The following ZNF778 variants were observed in gnomAD, a reference collection of about 807,000 sequenced individuals.
The protein encoded by ZNF778 is zinc finger protein 778.
ZNF778 carries 37 observed loss-of-function variants against 23.9 expected under a neutral mutation model. The observed-to-expected ratio is 1.54, with a 90% confidence interval of 1.19 to 2.03. The LOEUF is 2.03. ZNF778 is among the 30% of genes most tolerant of loss of function. ZNF778 has a pLI of 0.00. For synonymous variants in ZNF778, 483 were observed against 343.9 expected, an observed-to-expected ratio of 1.40 and a Z score of -4.48; for missense variants, 1,297 against 934.4, an observed-to-expected ratio of 1.39 and a Z score of -5.06.
At chr16:89,219,973 A>T (rs1345768681) in intron 1 of ZNF778, among the ~76,000 whole-genome samples, 1 of 152,182 alleles carries the variant, frequency 6.6e-6, no homozygotes, top group East Asian at 1.9e-4. Flanking sequence ...TGTTGTGTAT[A>T]TTTCATATGA....
rs1338630819 is a variant in ZNF778, at chr16:89,230,327, G to A, written c.*1765G>A. On this transcript the variant is annotated 3_prime_UTR_variant, in exon 7 of 7. Transcript: ENST00000433976. ...GGAGGAGGGAATTCCTGTACCTTAG[G>A]CAGTGCCGGACGGGTGAGAGCCCTG... 1 of 153,732 alleles carries A rather than the reference G, an allele frequency of 6.5e-6. No homozygotes were observed. The highest frequency in any genetic ancestry group is 2.4e-5 in the African/African-American group (1 of 41,446). 9.5% of individuals were successfully genotyped at this position (153,732 alleles called of 1,614,324 possible).
rs1459713308 is a variant in ZNF778 at position 89,231,113 on chromosome 16, C to G, written c.*2551C>G. 1 of 152,260 alleles carries G rather than the reference C, an allele frequency of 6.6e-6. No homozygotes were observed. Among genetic ancestry groups the G allele is most frequent in the Non-Finnish European group, 1.5e-5 (1 of 68,076 alleles). 9.4% of individuals were successfully genotyped at this position (152,260 alleles called of 1,614,324 possible). A position where few individuals can be genotyped will look rare whatever the true frequency, so the allele number is the denominator to read the frequency against. On this transcript the variant is annotated 3_prime_UTR_variant, in exon 7 of 7. Transcript: ENST00000433976. ...GAGAGGAGTGGGTTGTGCCATGTTT[C>G]TCTTGTGGGATTGAGTGTGGCTATT...
At chr16:89,224,696 G>C (rs905536996) in intron 4 of ZNF778, 23 bp from the exon 5 acceptor site, 1 of 1,519,166 alleles carries the variant, frequency 6.6e-7, no homozygotes, top group Admixed American at 2.0e-5. Flanking sequence ...CTCTTCCATC[G>C]ATGTCTCTTT....
rs2031936861 is a variant in ZNF778 at position 89,231,758 on chromosome 16, C to T, written c.*3196C>T. 6.6e-6 allele frequency: 1 copy of T among 152,112 alleles called. No homozygotes were observed. The highest frequency in any genetic ancestry group is 2.1e-4 in the South Asian group (1 of 4,826). The allele number at this position is 152,112 out of a possible 1,614,324, so 9.4% of individuals were successfully genotyped here. On this transcript the variant is annotated 3_prime_UTR_variant, in exon 7 of 7. Coordinates refer to ENST00000433976, the MANE Select transcript of ZNF778 (RefSeq NM_001201407.2). ...AAATGTTTTGTTTCACCAGGAGGTG[C>T]CCGCCTCCTATCAGCCTCTGGGAAG...
Position 89,226,787 on chromosome 16 carries a change from C to G in ZNF778, c.499C>G (p.Gln167Glu). Residue 167 changes from glutamine to glutamate, a missense_variant, in exon 7 of 7, where the codon CAA becomes GAA. Coordinates refer to ENST00000433976, the MANE Select transcript of ZNF778 (RefSeq NM_001201407.2). ...AGGCCTCAGCACACACGTGAGAACT[C>G]AAAATACAGGAGACAGTTGTGTGTC... ...HSGLSTHVRT[Q>E]NTGDSCVSNH... 1 of 1,614,000 alleles carries G rather than the reference C, an allele frequency of 6.2e-7. No homozygotes were observed. The highest frequency in any genetic ancestry group is 1.3e-5 in the African/African-American group (1 of 75,032).
rs2031777595 is a variant in ZNF778, at chr16:89,229,329, T to C, written c.*767T>C. On this transcript the variant is annotated 3_prime_UTR_variant, in exon 7 of 7. Coordinates refer to ENST00000433976, the MANE Select transcript of ZNF778 (RefSeq NM_001201407.2). The stretch of plus-strand genomic sequence containing the variant: ...TGTGAGCAGTGTAAGCTCTGGTTGG[T>C]TAGTCTTCAGGATCCAGATGTGATC... 1 of 983,676 alleles carries C rather than the reference T, an allele frequency of 1.0e-6. No individual in the cohort carries two copies. Among genetic ancestry groups the C allele is most frequent in the South Asian group, 4.7e-5 (1 of 21,206 alleles). The allele number at this position is 983,676 out of a possible 1,614,324, so 60.9% of individuals were successfully genotyped here. A position where few individuals can be genotyped will look rare whatever the true frequency, so the allele number is the denominator to read the frequency against.
In ZNF778 at chr16:89,233,333, G is replaced by C. The variant is rs1336222089; in HGVS notation, c.*4771G>C. ...GCGTATGCAACTCAGCTCGCTCTGC[G>C]TATGCAACTCAGCTCGCACTGCGTA... On this transcript the variant is annotated 3_prime_UTR_variant, in exon 7 of 7. Transcript: ENST00000433976. 1 of 1,279,948 alleles carries C rather than the reference G, an allele frequency of 7.8e-7. No homozygotes were observed. Among genetic ancestry groups the C allele is most frequent in the Non-Finnish European group, 1.0e-6 (1 of 987,032 alleles). The allele number at this position is 1,279,948 out of a possible 1,614,324, so 79.3% of individuals were successfully genotyped here.
rs1484712297 is a variant in ZNF778 at position 89,233,791 on chromosome 16, A to G, written c.*5229A>G. The G allele has an allele frequency of 1.7e-5, 21 of 1,268,358 alleles. No individual in the cohort carries two copies. Among genetic ancestry groups the G allele is most frequent in the Admixed American group, 1.2e-4 (5 of 42,692 alleles). The allele number at this position is 1,268,358 out of a possible 1,614,324, so 78.6% of individuals were successfully genotyped here. On this transcript the variant is annotated 3_prime_UTR_variant, in exon 7 of 7. Transcript: ENST00000433976. ...GCAACTCAACTCGCACTGCGTATGCAACTCAGCTCGCACTGCGTATGCAAC... is the reference window on the plus strand; with the variant it reads ...GCAACTCAACTCGCACTGCGTATGCGACTCAGCTCGCACTGCGTATGCAAC...
rs781271453 is a variant in ZNF778, at chr16:89,230,012, T to C, written c.*1450T>C. The stretch of plus-strand genomic sequence containing the variant: ...GATCCTGTGTGAGCAGTGTAGGCTC[T>C]GGTTGGTTAGTCTTAAGTATCCAGA... On this transcript the variant is annotated 3_prime_UTR_variant, in exon 7 of 7. Transcript: ENST00000433976. 37 of 981,856 alleles carry C rather than the reference T, an allele frequency of 3.8e-5. No homozygotes were observed. The highest frequency in any genetic ancestry group is 6.1e-5 in the Admixed American group (1 of 16,266). 60.8% of individuals were successfully genotyped at this position (981,856 alleles called of 1,614,324 possible).
At position 89,222,091 on chromosome 16, in the gene ZNF778, G is replaced by A; in HGVS notation, c.26-1G>A. 6.3e-7 allele frequency: 1 copy of A among 1,589,896 alleles called. No homozygotes were observed. The highest frequency in any genetic ancestry group is 8.6e-7 in the Non-Finnish European group (1 of 1,164,510). ...GCCTTCTTGCCTTCTTTGTTTTTTA[G>A]GAGGTCATGTTTCTAGGGACTCAGT... On this transcript the variant is annotated splice_acceptor_variant, in intron 2 of 6. Transcript: ENST00000433976. LOFTEE classifies it high-confidence loss of function.
At position 89,227,910 on chromosome 16, in the gene ZNF778, C is replaced by A; in HGVS notation, c.1622C>A (p.Ala541Asp). ...KPYECKDCGKAYNRVYLLNEH... is the reference protein window; with the variant it reads ...KPYECKDCGKDYNRVYLLNEH... ...TATGAATGTAAGGACTGTGGGAAAGCCTACAATAGGGTTTATCTACTGAAT... is the reference window on the plus strand; with the variant it reads ...TATGAATGTAAGGACTGTGGGAAAGACTACAATAGGGTTTATCTACTGAAT... Residue 541 changes from alanine to aspartate, a missense_variant, in exon 7 of 7, where the codon GCC becomes GAC. Physicochemically the swap from Ala to Asp is moderately radical, Grantham distance 126. Transcript: ENST00000433976. The A allele has an allele frequency of 6.2e-7, 1 of 1,614,182 alleles. No homozygotes were observed. Among genetic ancestry groups the A allele is most frequent in the African/African-American group, 1.3e-5 (1 of 75,052 alleles).
At chr16:89,224,076 C>G (rs1462960919) in intron 4 of ZNF778, among the ~76,000 whole-genome samples, 1 of 150,494 alleles carries the variant, frequency 6.6e-6, no homozygotes, top group Non-Finnish European at 1.5e-5. Flanking sequence ...CTCTGGGAGG[C>G]TGGGTGCAGT....
Position 89,234,081 on chromosome 16 carries a change from G to C in ZNF778, c.*5519G>C. The C allele has an allele frequency of 1.6e-6, 1 of 616,926 alleles. No individual in the cohort carries two copies. The highest frequency in any genetic ancestry group is 1.5e-5 in the South Asian group (1 of 67,654). 38.2% of individuals were successfully genotyped at this position (616,926 alleles called of 1,614,324 possible). On this transcript the variant is annotated 3_prime_UTR_variant, in exon 7 of 7. Coordinates refer to ENST00000433976, the MANE Select transcript of ZNF778 (RefSeq NM_001201407.2). The stretch of plus-strand genomic sequence containing the variant: ...TGCCCAGCTCTGCAGCTCCCCTTGG[G>C]CCCTGCCTGGAGTGATGTGCCGCCT...
rs752812975 is a variant in ZNF778 at position 89,233,568 on chromosome 16, G to A, written c.*5006G>A. 61 of 1,270,964 alleles carry A rather than the reference G, an allele frequency of 4.8e-5. 1 individual carries two copies. The South Asian group carries it at 6.4e-4, about 13-fold the overall frequency. 78.7% of individuals were successfully genotyped at this position (1,270,964 alleles called of 1,614,324 possible). On this transcript the variant is annotated 3_prime_UTR_variant, in exon 7 of 7. Transcript: ENST00000433976. The stretch of plus-strand genomic sequence containing the variant: ...ATCAACTCACTGCATATGCAACTCA[G>A]CTCGCACTGCATATGCAACGCAACT...
In ZNF778 at chr16:89,218,731, C is replaced by T. The variant is rs547377552; in HGVS notation, c.-132+821C>T. On this transcript the variant is annotated intron_variant, in intron 1 of 6. Coordinates refer to ENST00000433976, the MANE Select transcript of ZNF778 (RefSeq NM_001201407.2). ...GCGTGAACCCGGGAGGCGGAGCTTG[C>T]AGTGAGCCGAGATGGCGCCACTGCA... 1.2e-4 allele frequency among the ~76,000 whole-genome samples: 19 copies of T among 152,218 alleles called. 1 individual carries two copies. In the Middle Eastern group the frequency reaches 0.014, roughly 109 times the overall value.
rs1597371186 is a variant in ZNF778 at position 89,232,898 on chromosome 16, G to GTATGCAACTCAACTCGCACTGCA, written c.*4358_*4359insATATGCAACTCAACTCGCACTGC. The GTATGCAACTCAACTCGCACTGCA allele has an allele frequency of 7.8e-7, 1 of 1,279,172 alleles. No individual in the cohort carries two copies. The highest frequency in any genetic ancestry group is 5.8e-5 in the East Asian group (1 of 17,208). 79.2% of individuals were successfully genotyped at this position (1,279,172 alleles called of 1,614,324 possible). A position where few individuals can be genotyped will look rare whatever the true frequency, so the allele number is the denominator to read the frequency against. On this transcript the variant is annotated 3_prime_UTR_variant, in exon 7 of 7. Coordinates refer to ENST00000433976, the MANE Select transcript of ZNF778 (RefSeq NM_001201407.2). ...GCGTATGCAACTCAACTCGCACTGCGTATGCAACTCAACTCGCACTGCGTA... is the reference window on the plus strand; with the variant it reads ...GCGTATGCAACTCAACTCGCACTGCGTATGCAACTCAACTCGCACTGCATATGCAACTCAACTCGCACTGCGTA...
In ZNF778 at chr16:89,234,124, T is replaced by C. The variant is rs2032165096; in HGVS notation, c.*5562T>C. 6.3e-6 allele frequency: 3 copies of C among 479,206 alleles called. No homozygotes were observed. Among genetic ancestry groups the C allele is most frequent in the Non-Finnish European group, 1.2e-5 (3 of 253,608 alleles). The allele number at this position is 479,206 out of a possible 1,614,324, so 29.7% of individuals were successfully genotyped here. A position where few individuals can be genotyped will look rare whatever the true frequency, so the allele number is the denominator to read the frequency against. ...TGCCGCCTTCTCTTGACACTGTGAG[T>C]GATAAACTTTCCATGTCAGGAACCT... On this transcript the variant is annotated 3_prime_UTR_variant, in exon 7 of 7. Coordinates refer to ENST00000433976, the MANE Select transcript of ZNF778 (RefSeq NM_001201407.2).
At position 89,225,536 on chromosome 16, in the gene ZNF778, C is replaced by G. The variant is rs1384778879; in HGVS notation, c.329-19C>G. ...CCAATGAGTTTGATCGTTTTTAGGT[C>G]ATTCTTCTTTCTTTTCAGAATGGCG... On this transcript the variant is annotated intron_variant, in intron 5 of 6. Transcript: ENST00000433976. The G allele has an allele frequency of 1.6e-6, 1 of 632,290 alleles. No individual in the cohort carries two copies. The highest frequency in any genetic ancestry group is 2.1e-5 in the African/African-American group (1 of 47,852). The allele number at this position is 632,290 out of a possible 1,614,324, so 39.2% of individuals were successfully genotyped here.
chr16:89,225,634 A>AC lies in ZNF778; in HGVS notation c.405+3_405+4insC. The AC allele has an allele frequency of 6.2e-7, 1 of 1,609,996 alleles. No homozygotes were observed. Among genetic ancestry groups the AC allele is most frequent in the South Asian group, 1.1e-5 (1 of 90,766 alleles). On this transcript the variant is annotated splice_donor_region_variant and intron_variant, in intron 6 of 6. Coordinates refer to ENST00000433976, the MANE Select transcript of ZNF778 (RefSeq NM_001201407.2). ...GAGCATCAAATGAGACACAGACGGT[A>AC]AGATTAACAAGAGAGATTTTTTTAT...
Sources: gnomAD v4.1 joint callset for allele counts (sites outside exome capture counted in the v4.1 genomes callset) on GRCh38, gnomAD v4.1.1 for gene constraint, MANE v1.5 for transcripts, NCBI Gene and HGNC (gene_info 2026-07-23, HGNC 2026-07-21) for gene names.